VSNL1: variants seen among roughly 807,000 people sequenced by gnomAD.
VSNL1 encodes visinin like 1, also known as visinin-like protein 1.
A neutral mutation model predicts 20.4 loss-of-function variants in VSNL1; 6 were observed. That is an observed-to-expected ratio of 0.29 (90% CI 0.16 to 0.58). The LOEUF is 0.58. Ranked by LOEUF, VSNL1 falls within the 20% of genes least tolerant of loss-of-function variation. The probability of loss-of-function intolerance (pLI) is 0.90; values close to 1 mark genes in which losing one functional copy is unlikely to be tolerated. For missense variants in VSNL1, 100 were observed against 234.5 expected (o/e 0.43, Z 3.75); for synonymous variants, 93 against 86.4 (o/e 1.08, Z -0.42).
At chr2:17,641,470 A>T (rs1461685009) in intron 2 of VSNL1, among the ~76,000 whole-genome samples, 1 of 152,228 alleles carries the variant, frequency 6.6e-6, no homozygotes, top group Non-Finnish European at 1.5e-5. Context: ...TTTGTTATTG[A>T]CATCCTAGTT....
rs577851506 is a variant in VSNL1, at chr2:17,609,577, C to A, written c.162+17341C>A. Among the ~76,000 whole-genome samples the A allele has an allele frequency of 6.6e-5, 10 of 152,282 alleles. No homozygotes were observed. In the South Asian group the frequency reaches 2.1e-3, roughly 32 times the overall value. Reference sequence around the variant, plus strand: ...GCAGCTATGTCAGCTTTCTTCCTTGCAGATGGGATTTGAGGCCCTAACAAG... The same window carrying A: ...GCAGCTATGTCAGCTTTCTTCCTTGAAGATGGGATTTGAGGCCCTAACAAG... On this transcript the variant is annotated intron_variant, in intron 2 of 3. Coordinates refer to ENST00000295156, the MANE Select transcript of VSNL1 (RefSeq NM_003385.5).
intron 1 of VSNL1, among the ~76,000 whole-genome samples, chr2:17,554,315 A>G (rs1350367560): frequency 2.0e-5 from 3 of 152,172 alleles, no homozygotes; most frequent in Non-Finnish European, 4.4e-5. Flanking sequence ...TATTCCAGCT[A>G]TCTTCTCTGG....
intron 2 of VSNL1, among the ~76,000 whole-genome samples, chr2:17,639,492 T>C (rs1445021044): frequency 6.6e-6 from 1 of 152,130 alleles, no homozygotes; most frequent in African/African-American, 2.4e-5. Context: ...ATGGTGCACA[T>C]AGTGGATGAT....
chr2:17,644,497 C>T lies in VSNL1; in HGVS notation c.163-4913C>T, dbSNP rs139697186. ...GTGTAGCCAAGGAAGGTCAAGACCC[C>T]GGAAGAGACAGGCCGAGGGTCTGTC... is the stretch of plus-strand genomic sequence containing the variant. On this transcript the variant is annotated intron_variant, in intron 2 of 3. Coordinates refer to ENST00000295156, the MANE Select transcript of VSNL1 (RefSeq NM_003385.5). Among the ~76,000 whole-genome samples the T allele has an allele frequency of 3.3e-5, 5 of 152,254 alleles. No individual in the cohort carries two copies. The East Asian group carries it at 5.8e-4, about 18-fold the overall frequency.
chr2:17,651,355 C>T (rs115188904), intron 3 of VSNL1, among the ~76,000 whole-genome samples: 8 of 152,252 alleles, frequency 5.3e-5, no homozygotes, highest in African/African-American at 1.9e-4. Context: ...GGGGAGGGTT[C>T]GGAGAAGCAG....
At chr2:17,601,329 A>G (rs887726068) in intron 2 of VSNL1, among the ~76,000 whole-genome samples, 6 of 152,230 alleles carry the variant, frequency 3.9e-5, no homozygotes, top group African/African-American at 1.4e-4. Context: ...TCCATTTCTA[A>G]TTGCAATAGA....
intron 2 of VSNL1, among the ~76,000 whole-genome samples, chr2:17,646,993 C>A (rs1219054099): frequency 6.6e-6 from 1 of 152,156 alleles, no homozygotes; most frequent in Non-Finnish European, 1.5e-5. Context: ...CTAAAGGAAA[C>A]AACCCCTCCA....
At chr2:17,640,267 A>G (rs1665854365) in intron 2 of VSNL1, among the ~76,000 whole-genome samples, 2 of 151,254 alleles carry the variant, frequency 1.3e-5, no homozygotes, top group Admixed American at 6.6e-5. Context: ...AAAAAAAAAA[A>G]AAGAAAGAAA....
At chr2:17,581,690 C>T (rs1664352570) in intron 1 of VSNL1, among the ~76,000 whole-genome samples, 1 of 152,210 alleles carries the variant, frequency 6.6e-6, no homozygotes, top group Non-Finnish European at 1.5e-5. Context: ...CGTGTTCTCT[C>T]TCTCTTCCTC....
rs372770658 is a variant in VSNL1, at chr2:17,614,804, G to T, written c.162+22568G>T. ...AAACCACTCATGGATGAAATAGAGA[G>T]ACCAGAAGCTTTGGGTCAGATAGAG... On this transcript the variant is annotated intron_variant, in intron 2 of 3. Coordinates refer to ENST00000295156, the MANE Select transcript of VSNL1 (RefSeq NM_003385.5). Among the ~76,000 whole-genome samples, 11 of 152,352 alleles carry T rather than the reference G, an allele frequency of 7.2e-5. No individual in the cohort carries two copies. The South Asian group carries it at 2.3e-3, about 32-fold the overall frequency.
At chr2:17,644,757 T>C (rs949175060) in intron 2 of VSNL1, among the ~76,000 whole-genome samples, 1 of 152,136 alleles carries the variant, frequency 6.6e-6, no homozygotes, top group Non-Finnish European at 1.5e-5. Context: ...GACACACTCA[T>C]GAAACAATAA....
chr2:17,540,636 C>A (rs903528859), upstream of VSNL1: 2 of 152,700 alleles, frequency 1.3e-5, no homozygotes, highest in Non-Finnish European at 2.9e-5. Flanking sequence ...CCTGGAGAGG[C>A]GGAGGCTCGC....
Position 17,624,669 on chromosome 2 carries a change from A to G in VSNL1, c.163-24741A>G, listed in dbSNP as rs773727014. Among the ~76,000 whole-genome samples, 4 of 152,178 alleles carry G rather than the reference A, an allele frequency of 2.6e-5. No homozygotes were observed. In the South Asian group the frequency reaches 6.2e-4, roughly 24 times the overall value. On this transcript the variant is annotated intron_variant, in intron 2 of 3. Coordinates refer to ENST00000295156, the MANE Select transcript of VSNL1 (RefSeq NM_003385.5). ...GGGCCACAAGTGAAGGAATGCAGGC[A>G]GCCTCTTAGAGCCAGAGAAGGAGAG...
At chr2:17,551,896 T>TAAAAA (rs34475496) in intron 1 of VSNL1, among the ~76,000 whole-genome samples, 1 of 116,804 alleles carries the variant, frequency 8.6e-6, no homozygotes, top group African/African-American at 3.3e-5. Flanking sequence ...GCAATTTTGT[T>TAAAAA]AAAAAAAAAA....
At chr2:17,582,491 A>G (rs1664371285) in intron 1 of VSNL1, among the ~76,000 whole-genome samples, 1 of 152,184 alleles carries the variant, frequency 6.6e-6, no homozygotes, top group Admixed American at 6.5e-5. Context: ...TGATAGGATA[A>G]TGGCTTGAAC....
intron 1 of VSNL1, among the ~76,000 whole-genome samples, chr2:17,584,647 C>G (rs1664427201): frequency 6.6e-6 from 1 of 152,150 alleles, no homozygotes; most frequent in Non-Finnish European, 1.5e-5. Flanking sequence ...CAGGTGGAAA[C>G]TTCACTGGGA....
chr2:17,569,569 T>A (rs980343879), intron 1 of VSNL1, among the ~76,000 whole-genome samples: 1 of 152,100 alleles, frequency 6.6e-6, no homozygotes, highest in East Asian at 1.9e-4. Context: ...AGCTTCATTA[T>A]CTCTTAATGT....
At chr2:17,592,626 T>TTC (rs1483104300) in intron 2 of VSNL1, among the ~76,000 whole-genome samples, 1,328 of 116,764 alleles carry the variant, frequency 0.011, 170 homozygotes, top group Middle Eastern at 0.033. Flanking sequence ...AGAGGGCTTT[T>TTC]TCTCTCTCTC....
chr2:17,608,959 T>A (rs1489764893), intron 2 of VSNL1, among the ~76,000 whole-genome samples: 2 of 152,222 alleles, frequency 1.3e-5, no homozygotes, highest in African/African-American at 4.8e-5. Flanking sequence ...ACTGTGTGTG[T>A]GTGCGTGTGT....
Sources: gnomAD v4.1 joint callset for allele counts (sites outside exome capture counted in the v4.1 genomes callset) on GRCh38, gnomAD v4.1.1 for gene constraint, MANE v1.5 for transcripts, NCBI Gene and HGNC (gene_info 2026-07-23, HGNC 2026-07-21) for gene names.